Variants in STAT4 observed in about 807,000 individuals in gnomAD.
STAT4 encodes signal transducer and activator of transcription 4.
A neutral mutation model predicts 110.5 loss-of-function variants in STAT4; 42 were observed. The observed-to-expected ratio is 0.38, with a 90% CI of 0.30 to 0.49. The LOEUF (loss-of-function observed/expected upper bound fraction) is 0.49. STAT4 is among the 20% of genes least tolerant of loss of function. The pLI, the probability that STAT4 is intolerant of heterozygous loss-of-function variation, is 0.95. For synonymous variants in STAT4, 284 were observed against 302.2 expected, an observed-to-expected ratio of 0.94 and a Z score of 0.63; for missense variants, 632 against 887.9, an observed-to-expected ratio of 0.71 and a Z score of 3.66.
intron 5 of STAT4, among the ~76,000 whole-genome samples, chr2:191,071,093 C>T (rs576665414): frequency 2.0e-5 from 3 of 152,260 alleles, no homozygotes; most frequent in South Asian, 2.1e-4. Flanking sequence ...TCTACCCACC[C>T]GTAGTAATAA....
rs571554688 is a variant in STAT4, at chr2:191,128,848, T to C, written c.273+17765A>G. Among the ~76,000 whole-genome samples, 4 of 152,344 alleles carry C rather than the reference T, an allele frequency of 2.6e-5. No individual in the cohort carries two copies. The East Asian group carries it at 7.7e-4, about 29-fold the overall frequency. Reference sequence around the variant, plus strand: ...TTTCTAATTGATAGAGATTTTTTTATTTTTCTAATATCAGACAAGATGGCC... The same window carrying C: ...TTTCTAATTGATAGAGATTTTTTTACTTTTCTAATATCAGACAAGATGGCC... On this transcript the variant is annotated intron_variant, in intron 3 of 23. Coordinates refer to ENST00000392320, the MANE Select transcript of STAT4 (RefSeq NM_003151.4).
At chr2:191,118,749 T>TA (rs1698637481) in intron 3 of STAT4, among the ~76,000 whole-genome samples, 1 of 152,198 alleles carries the variant, frequency 6.6e-6, no homozygotes, top group African/African-American at 2.4e-5. Context: ...TTTGTCACAT[T>TA]AAACTTGGAT....
At chr2:191,100,843 G>A (rs1466934362) in intron 3 of STAT4, among the ~76,000 whole-genome samples, 1 of 151,774 alleles carries the variant, frequency 6.6e-6, no homozygotes, top group East Asian at 1.9e-4. Context: ...CTCTGGGCTT[G>A]ATAATGGACT....
Position 191,117,486 on chromosome 2 carries a change from G to A in STAT4, c.273+29127C>T, listed in dbSNP as rs1363119306. ...GACTCTATCTTTATTACTGTAAGTCGATTCTCATCTATCTAAAGTAATTGC... is the reference window on the plus strand; with the variant it reads ...GACTCTATCTTTATTACTGTAAGTCAATTCTCATCTATCTAAAGTAATTGC... On this transcript the variant is annotated intron_variant, in intron 3 of 23. Coordinates refer to ENST00000392320, the MANE Select transcript of STAT4 (RefSeq NM_003151.4). The surrounding 1 kb of genome is among the most constrained non-coding windows in gnomAD (Gnocchi z 5.2). 2.6e-5 allele frequency among the ~76,000 whole-genome samples: 4 copies of A among 152,180 alleles called. No individual in the cohort carries two copies. The highest frequency in any genetic ancestry group is 1.3e-4 in the Admixed American group (2 of 15,280).
At chr2:191,069,905 G>A (rs1264532669) in intron 5 of STAT4, 134 bp from the exon 6 acceptor site, 9 of 620,152 alleles carry the variant, frequency 1.5e-5, no homozygotes, top group Admixed American at 9.9e-5. Context: ...ATGAACGCAC[G>A]CTTCTAAAGA....
rs534727215 is a variant in STAT4 at position 191,079,847 on chromosome 2, C to T, written c.274-3522G>A. 1.2e-4 allele frequency among the ~76,000 whole-genome samples: 19 copies of T among 152,064 alleles called. No homozygotes were observed. The South Asian group carries it at 3.1e-3, about 25-fold the overall frequency. ...AAATTTGTTGAGACTTGTTTTATGA[C>T]CCAGCATATTAATATCTTGTAAATG... On this transcript the variant is annotated intron_variant, in intron 3 of 23. Coordinates refer to ENST00000392320, the MANE Select transcript of STAT4 (RefSeq NM_003151.4).
At chr2:191,103,892 A>G (rs984649421) in intron 3 of STAT4, among the ~76,000 whole-genome samples, 3 of 152,138 alleles carry the variant, frequency 2.0e-5, no homozygotes, top group Admixed American at 6.5e-5. Flanking sequence ...TGCTCAGACA[A>G]TGGGACATCT....
chr2:191,043,480 A>G lies in STAT4; in HGVS notation c.1252-2332T>C, dbSNP rs550670916. ...ATATACCACTTATGCAATTGTTACA[A>G]TCACTTTGGAGAACAATTCCTCAGT... On this transcript the variant is annotated intron_variant, in intron 14 of 23. Coordinates refer to ENST00000392320, the MANE Select transcript of STAT4 (RefSeq NM_003151.4). This position sits in a 1 kb window ranked among gnomAD's most constrained non-coding sequence, Gnocchi z 4.8. Among the ~76,000 whole-genome samples, 11 of 152,320 alleles carry G rather than the reference A, an allele frequency of 7.2e-5. No homozygotes were observed. In the South Asian group the frequency reaches 2.3e-3, roughly 32 times the overall value.
chr2:191,029,891 T>C lies in STAT4; in HGVS notation c.2221-25A>G, dbSNP rs773181914. ...TCTAAAATTAAAAATGAAAATAATC[T>C]TTGAGGAAACTACTGGTTTTCAAAT... On this transcript the variant is annotated intron_variant, in intron 23 of 23. Transcript: ENST00000392320. This position sits in a 1 kb window ranked among gnomAD's most constrained non-coding sequence, Gnocchi z 4.5. 211 of 1,568,082 alleles carry C rather than the reference T, an allele frequency of 1.3e-4. No individual in the cohort carries two copies. Among genetic ancestry groups the C allele is most frequent in the Non-Finnish European group, 1.8e-4 (208 of 1,151,644 alleles).
rs757511812 is a variant in STAT4 at position 191,033,868 on chromosome 2, A to T, written c.1715+43T>A. The T allele has an allele frequency of 6.0e-6, 9 of 1,489,368 alleles. No individual in the cohort carries two copies. The South Asian group carries it at 9.9e-5, about 16-fold the overall frequency. 92.3% of individuals were successfully genotyped at this position (1,489,368 alleles called of 1,614,324 possible). A position where few individuals can be genotyped will look rare whatever the true frequency, so the allele number is the denominator to read the frequency against. On this transcript the variant is annotated intron_variant, in intron 19 of 23. Transcript: ENST00000392320. This position sits in a 1 kb window ranked among gnomAD's most constrained non-coding sequence, Gnocchi z 6.9. ...AGAAAACCAATAACAACAGAAAAAA[A>T]GAACATAATTAACTCATATGAAAAA... is the stretch of plus-strand genomic sequence containing the variant.
intron 3 of STAT4, among the ~76,000 whole-genome samples, chr2:191,078,440 C>T (rs13392723): frequency 4.6e-5 from 7 of 152,090 alleles, no homozygotes; most frequent in African/African-American, 1.4e-4. Flanking sequence ...CAGGAATCAC[C>T]GCTGTTTTCA....
At chr2:191,100,626 T>G (rs1698125671) in intron 3 of STAT4, among the ~76,000 whole-genome samples, 1 of 152,158 alleles carries the variant, frequency 6.6e-6, no homozygotes, top group Non-Finnish European at 1.5e-5. Flanking sequence ...TACCTCCAGC[T>G]TCCATCAAAA....
rs1699352874 is a variant in STAT4 at position 191,142,194 on chromosome 2, G to A, written c.273+4419C>T. On this transcript the variant is annotated intron_variant, in intron 3 of 23. Coordinates refer to ENST00000392320, the MANE Select transcript of STAT4 (RefSeq NM_003151.4). This position sits in a 1 kb window ranked among gnomAD's most constrained non-coding sequence, Gnocchi z 4.1. ...CTAAGTGTCCATTGATGGAAGAATGGATAAAGAAAATAAAGAAAATAGATA... is the reference window on the plus strand; with the variant it reads ...CTAAGTGTCCATTGATGGAAGAATGAATAAAGAAAATAAAGAAAATAGATA... Among the ~76,000 whole-genome samples, 2 of 151,638 alleles carry A rather than the reference G, an allele frequency of 1.3e-5. No individual in the cohort carries two copies. The highest frequency in any genetic ancestry group is 4.2e-4 in the South Asian group (2 of 4,814).
At chr2:191,093,752 C>G (rs1351885209) in intron 3 of STAT4, among the ~76,000 whole-genome samples, 2 of 152,142 alleles carry the variant, frequency 1.3e-5, no homozygotes, top group African/African-American at 4.8e-5. Flanking sequence ...GACGAGCTGA[C>G]AGAAGTAGGC....
intron 16 of STAT4, 71 bp from the exon 17 acceptor site, chr2:191,036,370 A>G: frequency 8.6e-6 from 13 of 1,519,014 alleles, no homozygotes; most frequent in Non-Finnish European, 1.2e-5. Context: ...TGAGCAGGGC[A>G]AGAGAGGTCT....
At chr2:191,130,434 G>T (rs1699003661) in intron 3 of STAT4, among the ~76,000 whole-genome samples, 1 of 150,014 alleles carries the variant, frequency 6.7e-6, no homozygotes, top group African/African-American at 2.5e-5. Context: ...ATGTAAGCCA[G>T]GATGGTCTCG....
intron 3 of STAT4, among the ~76,000 whole-genome samples, chr2:191,079,445 ATC>A (rs1697403628): frequency 1.3e-5 from 2 of 151,980 alleles, no homozygotes; most frequent in African/African-American, 4.8e-5. Flanking sequence ...TAGAATAAAT[ATC>A]TTTTTCCTCA....
In STAT4 at chr2:191,042,775, C is replaced by CT. The variant is rs1696242779; in HGVS notation, c.1252-1628dup. On this transcript the variant is annotated intron_variant, in intron 14 of 23. Coordinates refer to ENST00000392320, the MANE Select transcript of STAT4 (RefSeq NM_003151.4). The surrounding 1 kb of genome is among the most constrained non-coding windows in gnomAD (Gnocchi z 4.2). ...TGCTTAAATTCATTCATTGTATTCT[C>CT]TCTTTTTTTTTTTTCTTTTTTGAGA... Among the ~76,000 whole-genome samples, 1 of 136,696 alleles carries CT rather than the reference C, an allele frequency of 7.3e-6. No individual in the cohort carries two copies. The allele number at this position is 136,696 out of a possible 152,430, so 89.7% of individuals were successfully genotyped here.
At chr2:191,136,016 A>AC (rs969949303) in intron 3 of STAT4, among the ~76,000 whole-genome samples, 35 of 128,172 alleles carry the variant, frequency 2.7e-4, no homozygotes, top group Non-Finnish European at 4.9e-4. Context: ...AAAAAAAAAA[A>AC]AAAAAACCAA....
Sources: allele counts gnomAD v4.1 joint callset (sites outside exome capture counted in the v4.1 genomes callset), GRCh38; gene constraint gnomAD v4.1.1; non-coding constraint Gnocchi (gnomAD v3.1); transcripts MANE v1.5; gene names NCBI Gene and HGNC (gene_info 2026-07-23, HGNC 2026-07-21).